PDE4D: variants seen among roughly 807,000 people sequenced by gnomAD.
The protein encoded by PDE4D is phosphodiesterase 4D.
A neutral mutation model predicts 87.4 loss-of-function variants in PDE4D; 24 were observed. That is an observed-to-expected ratio of 0.27 (90% CI 0.20 to 0.39). The LOEUF (loss-of-function observed/expected upper bound fraction) is 0.39, where lower values mean the gene tolerates loss of function less well. Ranked by LOEUF, PDE4D falls within the 10% of genes least tolerant of loss-of-function variation. PDE4D has a pLI of 1.00. For synonymous variants in PDE4D, 384 were observed against 383.2 expected (o/e 1.00, Z -0.02); for missense variants, 714 against 1,041.0 (o/e 0.69, Z 4.32).
intron 1 of PDE4D, among the ~76,000 whole-genome samples, chr5:59,749,652 T>C (rs1760138052): frequency 6.6e-6 from 1 of 152,190 alleles, no homozygotes; most frequent in Non-Finnish European, 1.5e-5. Context: ...CTCATTTTCC[T>C]GATTTCTAGA....
chr5:60,315,491 C>T (rs1327345757), intron 1 of PDE4D, among the ~76,000 whole-genome samples: 11 of 151,962 alleles, frequency 7.2e-5, no homozygotes, highest in South Asian at 2.1e-4. Context: ...TTTAGTTTAA[C>T]TAGATCCCAT....
chr5:60,122,429 A>G (rs562865904), intron 2 of PDE4D, among the ~76,000 whole-genome samples: 2 of 152,226 alleles, frequency 1.3e-5, no homozygotes, highest in Non-Finnish European at 2.9e-5. Context: ...ATATAGGCGG[A>G]GGTTCCCGAA....
intron 1 of PDE4D, among the ~76,000 whole-genome samples, chr5:59,719,042 A>G (rs554022936): frequency 6.6e-6 from 1 of 151,988 alleles, no homozygotes; most frequent in East Asian, 1.9e-4. Flanking sequence ...CTGGTTTCAT[A>G]TAAGGAGACA....
intron 5 of PDE4D, among the ~76,000 whole-genome samples, chr5:59,150,128 G>A (rs1258066062): frequency 6.6e-6 from 1 of 152,048 alleles, no homozygotes; most frequent in East Asian, 1.9e-4. Context: ...CCTCAAAATA[G>A]GTAGTAGTGG....
At chr5:59,612,035 A>G (rs541851012) in intron 1 of PDE4D, among the ~76,000 whole-genome samples, 5 of 152,332 alleles carry the variant, frequency 3.3e-5, no homozygotes, top group Admixed American at 3.3e-4. Context: ...TCTCCTGAAC[A>G]GCACAATGTC....
intron 1 of PDE4D, chr5:59,586,315 T>A: frequency 6.4e-7 from 1 of 1,571,850 alleles, no homozygotes; most frequent in Non-Finnish European, 8.8e-7. Context: ...CTGAAGGGAA[T>A]ATTGATTACT....
chr5:59,181,573 A>AT (rs1162609708), intron 4 of PDE4D, among the ~76,000 whole-genome samples: 14 of 85,188 alleles, frequency 1.6e-4, no homozygotes, highest in African/African-American at 5.0e-4. Context: ...TATATATATT[A>AT]GGTATATAAT....
At chr5:60,047,096 G>A (rs1769370248) in intron 2 of PDE4D, among the ~76,000 whole-genome samples, 1 of 152,150 alleles carries the variant, frequency 6.6e-6, no homozygotes, top group African/African-American at 2.4e-5. Context: ...TTAGTCTTGG[G>A]AGAGTGTGTG....
intron 2 of PDE4D, among the ~76,000 whole-genome samples, chr5:60,150,484 G>C (rs879349893): frequency 6.6e-6 from 1 of 152,060 alleles, no homozygotes; most frequent in Non-Finnish European, 1.5e-5. Context: ...TGACAGAGCT[G>C]CTATGCAACA....
At chr5:59,088,285 T>A (rs1270309950) in intron 5 of PDE4D, among the ~76,000 whole-genome samples, 2 of 152,158 alleles carry the variant, frequency 1.3e-5, no homozygotes, top group African/African-American at 4.8e-5. Context: ...TCTAATTATC[T>A]AGTTGTGTAG....
In PDE4D at chr5:60,365,254, A is replaced by G. The variant is rs564012484; in HGVS notation, c.-90+122688T>C. On this transcript the variant is annotated intron_variant, in intron 1 of 16. Transcript: ENST00000502484. ...GCAACAACATGAGGAGAAGTCTTGC[A>G]ATGTTAGCACAAACATTTGAATTAA... 2.0e-5 allele frequency among the ~76,000 whole-genome samples: 3 copies of G among 152,340 alleles called. No individual in the cohort carries two copies. In the South Asian group the frequency reaches 6.2e-4, roughly 32 times the overall value.
chr5:59,807,790 A>G (rs1174427821), intron 1 of PDE4D, among the ~76,000 whole-genome samples: 1 of 152,188 alleles, frequency 6.6e-6, no homozygotes, highest in Non-Finnish European at 1.5e-5. Context: ...TTCACAGTTC[A>G]TTAGGCTGAT....
At chr5:59,610,711 A>G (rs1350490391) in intron 1 of PDE4D, among the ~76,000 whole-genome samples, 1 of 152,162 alleles carries the variant, frequency 6.6e-6, no homozygotes, top group Non-Finnish European at 1.5e-5. Flanking sequence ...CATGCCTCAA[A>G]CCCATTGAAA....
chr5:59,541,555 G>T (rs1816351731), intron 1 of PDE4D, among the ~76,000 whole-genome samples: 1 of 152,148 alleles, frequency 6.6e-6, no homozygotes, highest in Non-Finnish European at 1.5e-5. Flanking sequence ...TATAATATGG[G>T]AAGGAATTCC....
rs1478509339 is a variant in PDE4D, at chr5:59,356,989, A to C, written c.456-141021T>G. ...CCTTTGTGCAGTGGTATGCGCTGAC[A>C]GAGAGATGGCAGGCTGGCTGAGGCA... On this transcript the variant is annotated intron_variant, in intron 1 of 14. Coordinates refer to ENST00000340635, the MANE Select transcript of PDE4D (RefSeq NM_001104631.2). 4 of 1,013,228 alleles carry C rather than the reference A, an allele frequency of 3.9e-6. No individual in the cohort carries two copies. The East Asian group carries it at 1.3e-4, about 33-fold the overall frequency. The allele number at this position is 1,013,228 out of a possible 1,614,324, so 62.8% of individuals were successfully genotyped here.
chr5:60,423,154 G>A (rs1044359326), intron 1 of PDE4D, among the ~76,000 whole-genome samples: 1 of 152,158 alleles, frequency 6.6e-6, no homozygotes, highest in Non-Finnish European at 1.5e-5. Context: ...AGGTTAACAA[G>A]GAAATCCAGG....
At chr5:59,288,615 A>G (rs1767438821) in intron 1 of PDE4D, among the ~76,000 whole-genome samples, 1 of 152,128 alleles carries the variant, frequency 6.6e-6, no homozygotes, top group African/African-American at 2.4e-5. Flanking sequence ...ATAGAACACC[A>G]AGCAGATATA....
At chr5:59,940,703 C>T (rs532132098) in intron 3 of PDE4D, among the ~76,000 whole-genome samples, 1 of 152,056 alleles carries the variant, frequency 6.6e-6, no homozygotes, top group Non-Finnish European at 1.5e-5. Context: ...ATACACAGGT[C>T]CGGAGCTCAG....
intron 11 of PDE4D, among the ~76,000 whole-genome samples, chr5:58,987,958 GTGATGACTTC>G (rs1746879035): frequency 1.3e-5 from 2 of 148,956 alleles, no homozygotes; most frequent in Non-Finnish European, 3.0e-5. Context: ...TCCAAATTCA[GTGATGACTTC>G]TTATAAGGTG....
Sources: allele counts gnomAD v4.1 joint callset (sites outside exome capture counted in the v4.1 genomes callset), GRCh38; gene constraint gnomAD v4.1.1; transcripts MANE v1.5; gene names NCBI Gene and HGNC (gene_info 2026-07-23, HGNC 2026-07-21).